TTC7B: variants seen among roughly 807,000 people sequenced by gnomAD.
TTC7B encodes tetratricopeptide repeat protein 7B.
In TTC7B, 28 loss-of-function variants were observed where a neutral mutation model predicts 106.8. The observed-to-expected ratio is 0.26, with a 90% CI of 0.19 to 0.36. TTC7B has a LOEUF of 0.36. Ranked by LOEUF, TTC7B falls within the 10% of genes least tolerant of loss-of-function variation. The pLI, the probability that TTC7B is intolerant of heterozygous loss-of-function variation, is 1.00. For missense variants in TTC7B, 862 were observed against 1,076.4 expected, an observed-to-expected ratio of 0.80 and a Z score of 2.79; for synonymous variants, 405 against 430.6, an observed-to-expected ratio of 0.94 and a Z score of 0.74.
At chr14:90,704,003 T>C (rs1566845729) in intron 5 of TTC7B, among the ~76,000 whole-genome samples, 2 of 152,130 alleles carry the variant, frequency 1.3e-5, no homozygotes, top group Non-Finnish European at 2.9e-5. Flanking sequence ...TCTGGGAACA[T>C]GGCAAGGGGA....
chr14:90,757,931 C>T lies in TTC7B; in HGVS notation c.446-13009G>A, dbSNP rs765891474. On this transcript the variant is annotated intron_variant, in intron 3 of 19. Coordinates refer to ENST00000328459, the MANE Select transcript of TTC7B (RefSeq NM_001010854.2). This position sits in a 1 kb window ranked among gnomAD's most constrained non-coding sequence, Gnocchi z 4.1. ...TTTACATCCTTTCTCTTTGTAAATA[C>T]CCACGCATTGAATGTTTAACGTATT... 6.6e-6 allele frequency among the ~76,000 whole-genome samples: 1 copy of T among 152,110 alleles called. No individual in the cohort carries two copies. Among genetic ancestry groups the T allele is most frequent in the Admixed American group, 6.5e-5 (1 of 15,268 alleles).
chr14:90,639,316 G>T (rs1302695603), intron 15 of TTC7B, among the ~76,000 whole-genome samples: 1 of 152,010 alleles, frequency 6.6e-6, no homozygotes, highest in Non-Finnish European at 1.5e-5. Context: ...CTAAGAAAAA[G>T]ACTTGTAACC....
rs184593061 is a variant in TTC7B at position 90,633,454 on chromosome 14, C to G, written c.1751+10594G>C. Among the ~76,000 whole-genome samples the G allele has an allele frequency of 1.4e-3, 218 of 152,314 alleles. 1 individual carries two copies. Among genetic ancestry groups the G allele is most frequent in the African/African-American group, 5.0e-3 (208 of 41,568 alleles). The stretch of plus-strand genomic sequence containing the variant: ...TAAGGCTTGCTGAATGAGAATGCAA[C>G]CTTTCAGTAACACTGAAGTTCTTAA... On this transcript the variant is annotated intron_variant, in intron 15 of 19. Transcript: ENST00000328459.
At chr14:90,709,116 A>C (rs1888329732) in intron 5 of TTC7B, among the ~76,000 whole-genome samples, 1 of 152,182 alleles carries the variant, frequency 6.6e-6, no homozygotes, top group Admixed American at 6.5e-5. Context: ...ACCATTGTGG[A>C]AGTTGGTGTG....
intron 15 of TTC7B, among the ~76,000 whole-genome samples, chr14:90,637,823 A>G (rs1233761415): frequency 6.6e-6 from 1 of 152,248 alleles, no homozygotes; most frequent in Non-Finnish European, 1.5e-5. Flanking sequence ...CATTAACAAA[A>G]CAACTCTTAA....
At chr14:90,741,684 G>A (rs1049392592) in intron 4 of TTC7B, among the ~76,000 whole-genome samples, 1 of 152,154 alleles carries the variant, frequency 6.6e-6, no homozygotes, top group Non-Finnish European at 1.5e-5. Context: ...AAAAGAAAAA[G>A]GCCAATCAAG....
chr14:90,546,795 A>T (rs1889855829), intron 19 of TTC7B, among the ~76,000 whole-genome samples: 2 of 152,228 alleles, frequency 1.3e-5, no homozygotes, highest in Admixed American at 6.5e-5. Flanking sequence ...TAGAGTGGGT[A>T]AGCGCAGGCC....
In TTC7B at chr14:90,738,775, C is replaced by T. The variant is rs139429500; in HGVS notation, c.576+6017G>A. On this transcript the variant is annotated intron_variant, in intron 4 of 19. Transcript: ENST00000328459. The stretch of plus-strand genomic sequence containing the variant: ...GTTGGCGTGGAAGCATTATTTACAA[C>T]AGCTTATACACAACAATACGTTCAT... Among the ~76,000 whole-genome samples the T allele has an allele frequency of 1.8e-3, 280 of 152,284 alleles. 1 individual carries two copies. The highest frequency in any genetic ancestry group is 6.8e-3 in the Middle Eastern group (2 of 294).
intron 1 of TTC7B, among the ~76,000 whole-genome samples, chr14:90,803,447 G>A (rs1378578470): frequency 6.6e-6 from 1 of 152,210 alleles, no homozygotes; most frequent in Non-Finnish European, 1.5e-5. Flanking sequence ...CTGGGACACA[G>A]TCTGGCCATG....
intron 19 of TTC7B, among the ~76,000 whole-genome samples, chr14:90,566,323 A>G (rs1890796257): frequency 1.3e-5 from 2 of 152,062 alleles, no homozygotes; most frequent in Non-Finnish European, 2.9e-5. Flanking sequence ...CAGCATGGGG[A>G]ACAAAAGTGA....
intron 5 of TTC7B, chr14:90,699,383 GT>G (rs1318738915): frequency 2.9e-6 from 1 of 347,590 alleles, no homozygotes; most frequent in Non-Finnish European, 5.6e-6. Flanking sequence ...TTGTTGTGTT[GT>G]TATTTCTCCT....
chr14:90,588,784 A>G (rs1595182997), intron 18 of TTC7B, among the ~76,000 whole-genome samples: 3 of 152,284 alleles, frequency 2.0e-5, no homozygotes, highest in African/African-American at 4.8e-5. Context: ...AAAAGAAACC[A>G]TAAACATGAA....
intron 19 of TTC7B, among the ~76,000 whole-genome samples, chr14:90,543,861 C>G (rs1272943054): frequency 1.3e-5 from 2 of 152,216 alleles, no homozygotes; most frequent in African/African-American, 4.8e-5. Context: ...CCAGCTTCAC[C>G]AACAGGCAAG....
At chr14:90,688,321 C>T (rs1158047894) in intron 7 of TTC7B, among the ~76,000 whole-genome samples, 1 of 152,042 alleles carries the variant, frequency 6.6e-6, no homozygotes, top group African/African-American at 2.4e-5. Flanking sequence ...GAAACCCTGT[C>T]TCTACTAAAA....
chr14:90,593,400 C>T (rs1892050359), intron 18 of TTC7B, 86 bp downstream of exon 18: 1 of 1,467,070 alleles, frequency 6.8e-7, no homozygotes, highest in African/African-American at 1.4e-5. Flanking sequence ...AGACAAGCGC[C>T]CAGGCTCTGG....
intron 1 of TTC7B, among the ~76,000 whole-genome samples, chr14:90,791,838 C>G (rs1891597004): frequency 6.6e-6 from 1 of 152,102 alleles, no homozygotes; most frequent in Non-Finnish European, 1.5e-5. Context: ...CCACCGAGCC[C>G]CCGACTGCTT....
At chr14:90,730,531 G>A (rs138213010) in intron 4 of TTC7B, among the ~76,000 whole-genome samples, 3 of 152,326 alleles carry the variant, frequency 2.0e-5, no homozygotes, top group South Asian at 2.1e-4. Context: ...CTGGGGACAC[G>A]GAAGCGGGTC....
rs1242124943 is a variant in TTC7B at position 90,526,774 on chromosome 14, C to G, written c.*14594G>C. 4 of 152,262 alleles carry G rather than the reference C, an allele frequency of 2.6e-5. No individual in the cohort carries two copies. The highest frequency in any genetic ancestry group is 5.9e-5 in the Non-Finnish European group (4 of 68,118). The allele number at this position is 152,262 out of a possible 1,614,324, so 9.4% of individuals were successfully genotyped here. On this transcript the variant is annotated 3_prime_UTR_variant, in exon 20 of 20. Transcript: ENST00000328459. ...CTTCCTGCTGCCATGTGAAGAAGGA[C>G]ATGTTTGCCTCCCCTTCCTCCATGA...
intron 15 of TTC7B, among the ~76,000 whole-genome samples, chr14:90,636,476 C>T (rs1227003933): frequency 7.0e-6 from 1 of 142,044 alleles, no homozygotes; most frequent in Non-Finnish European, 1.5e-5. Context: ...TGGTAGATTT[C>T]AACATACCTC....
Sources: allele counts gnomAD v4.1 joint callset (sites outside exome capture counted in the v4.1 genomes callset), GRCh38; gene constraint gnomAD v4.1.1; non-coding constraint Gnocchi (gnomAD v3.1); transcripts MANE v1.5; gene names NCBI Gene and HGNC (gene_info 2026-07-23, HGNC 2026-07-21).